TPTE2: variants seen among roughly 807,000 people sequenced by gnomAD.
TPTE2 encodes the protein transmembrane phosphoinositide 3-phosphatase and tensin homolog 2.
Under a neutral mutation model 78.6 loss-of-function variants are expected in TPTE2, and 53 were observed. The observed-to-expected ratio is 0.67, with a 90% CI of 0.54 to 0.85. TPTE2 has a LOEUF of 0.85. Among genes scored for constraint, TPTE2 ranks in the 40% least tolerant of loss-of-function variants. The pLI is 0.00. For synonymous variants in TPTE2, 175 were observed against 206.2 expected (o/e 0.85, Z 1.30); for missense variants, 461 against 623.0 (o/e 0.74, Z 2.77).
intron 1 of TPTE2, among the ~76,000 whole-genome samples, chr13:19,529,020 G>C (rs985801388): frequency 6.6e-6 from 1 of 152,198 alleles, no homozygotes; most frequent in Admixed American, 6.5e-5. Context: ...TCGGGAAGCT[G>C]AGGCAGGAGA....
At chr13:19,560,759 C>CCCAGCAGGGAAGGG in the TPTE2 span, 2 of 1,457,386 alleles carry the variant, frequency 1.4e-6, no homozygotes, top group East Asian at 4.7e-5. Flanking sequence ...GCAGGGAAGG[C>CCCAGCAGGGAAGGG]GCCCGGGAAG....
intron 1 of TPTE2, among the ~76,000 whole-genome samples, chr13:19,501,598 T>TA (rs1868562663): frequency 6.6e-6 from 1 of 151,850 alleles, no homozygotes; most frequent in Non-Finnish European, 1.5e-5. Flanking sequence ...TGGCTAGCCA[T>TA]AAGTAGAAAG....
rs188615073 is a variant in TPTE2, at chr13:19,426,218, A to C, written c.1395+207T>G. ...TGAGAATACAGGTAAATTTAGAAAA[A>C]TTTAGAAAATTTACAATTTAGAAAA... On this transcript the variant is annotated intron_variant, in intron 18 of 19. Transcript: ENST00000400230. 3,030 of 493,960 alleles carry C rather than the reference A, an allele frequency of 6.1e-3. 23 individuals are homozygous for C. The highest frequency in any genetic ancestry group is 9.7e-3 in the Middle Eastern group (17 of 1,750). 30.6% of individuals were successfully genotyped at this position (493,960 alleles called of 1,614,324 possible).
In TPTE2 at chr13:19,438,112, C is replaced by T. The variant is rs140738972; in HGVS notation, c.1015G>A (p.Glu339Lys). 15 of 1,606,564 alleles carry T rather than the reference C, an allele frequency of 9.3e-6. No individual in the cohort carries two copies. In the African/African-American group the frequency reaches 9.4e-5, roughly 10 times the overall value. Residue 339 changes from glutamate to lysine, a missense_variant, in exon 14 of 20, where the codon GAA becomes AAA. Transcript: ENST00000400230. ...CATACCTCGGCAGTTAAAAATATTTCGGAGGCAATAAGGAGGGCACAAACC... is the reference window on the plus strand; with the variant it reads ...CATACCTCGGCAGTTAAAAATATTTTGGAGGCAATAAGGAGGGCACAAACC...
At chr13:19,513,434 C>G (rs1358913587) in intron 1 of TPTE2, among the ~76,000 whole-genome samples, 1 of 152,186 alleles carries the variant, frequency 6.6e-6, no homozygotes, top group Non-Finnish European at 1.5e-5. Flanking sequence ...AACCTGAATT[C>G]CTCCCATCTC....
chr13:19,498,421 A>C (rs986862940), intron 1 of TPTE2, among the ~76,000 whole-genome samples: 1 of 150,144 alleles, frequency 6.7e-6, no homozygotes, highest in African/African-American at 2.5e-5. Flanking sequence ...ACCCTCAAAC[A>C]GAAGCCCATC....
intron 19 of TPTE2, 112 bp downstream of exon 22, chr13:19,424,835 T>C (rs1473302793): frequency 5.7e-6 from 4 of 703,262 alleles, no homozygotes; most frequent in Non-Finnish European, 9.4e-6. Flanking sequence ...CTCAGGGATT[T>C]TTTGCTTTCT....
chr13:19,456,384 C>T (rs1182940006), intron 10 of TPTE2, among the ~76,000 whole-genome samples: 1 of 152,160 alleles, frequency 6.6e-6, no homozygotes, highest in African/African-American at 2.4e-5. Context: ...ATGTGGGAGA[C>T]TGAGGTGGGA....
intron 2 of TPTE2, among the ~76,000 whole-genome samples, chr13:19,493,149 G>A (rs1407630271): frequency 6.8e-6 from 1 of 147,062 alleles, no homozygotes; most frequent in African/African-American, 2.5e-5. Flanking sequence ...ACTAACAAAT[G>A]CTACAATGAG....
intron 1 of TPTE2, 45 bp from the exon 5 acceptor site, chr13:19,493,546 T>C: frequency 6.3e-7 from 1 of 1,590,650 alleles, no homozygotes; most frequent in Non-Finnish European, 8.6e-7. Context: ...GACATAATTC[T>C]GAATTTATAT....
At chr13:19,504,777 T>C (rs1457648534), upstream of TPTE2, among the ~76,000 whole-genome samples, 2 of 152,120 alleles carry the variant, frequency 1.3e-5, no homozygotes, top group African/African-American at 2.4e-5. Flanking sequence ...TGTATGGCCA[T>C]GGATGATCCT....
chr13:19,497,210 G>A (rs1260900452), intron 1 of TPTE2, among the ~76,000 whole-genome samples: 5 of 149,734 alleles, frequency 3.3e-5, no homozygotes, highest in African/African-American at 4.9e-5. Flanking sequence ...CAAGGCGGCA[G>A]CGAGGCTGGG....
rs1164220570 is a variant in TPTE2 at position 19,438,996 on chromosome 13, G to C, written c.974-843C>G. On this transcript the variant is annotated intron_variant, in intron 13 of 19. Coordinates refer to ENST00000400230, the Ensembl canonical transcript of TPTE2. The stretch of plus-strand genomic sequence containing the variant: ...CTCCCAAGCCTTGGAGCTCATTTGA[G>C]GAGAGACTTGGAGACTTTGTGGGGG... 2.0e-5 allele frequency among the ~76,000 whole-genome samples: 3 copies of C among 152,190 alleles called. No homozygotes were observed. The East Asian group carries it at 5.8e-4, about 29-fold the overall frequency.
intron 6 of TPTE2, among the ~76,000 whole-genome samples, chr13:19,469,608 T>C (rs1380384844): frequency 6.6e-6 from 1 of 152,206 alleles, no homozygotes; most frequent in Non-Finnish European, 1.5e-5. Context: ...TGTAAATTGC[T>C]TTGGATAGTA....
chr13:19,546,480 TTTC>T, the TPTE2 span, among the ~76,000 whole-genome samples: 1 of 125,410 alleles, frequency 8.0e-6, no homozygotes, highest in Non-Finnish European at 1.7e-5. Context: ...TTTTTTTCTT[TTTC>T]TTTTTTTTTT....
rs116591993 is a variant in TPTE2, at chr13:19,469,518, G to C, written c.393-2174C>G. On this transcript the variant is annotated intron_variant, in intron 6 of 19. Coordinates refer to ENST00000400230, the Ensembl canonical transcript of TPTE2. ...TTTTGGCTATTCTGGGTCTTTTGAG[G>C]CTCCATATAAATTTTAAGATTGTTT... is the stretch of plus-strand genomic sequence containing the variant. 6.5e-3 allele frequency among the ~76,000 whole-genome samples: 984 copies of C among 152,208 alleles called. 13 individuals carry two copies. The highest frequency in any genetic ancestry group is 0.023 in the African/African-American group (959 of 41,528).
At chr13:19,482,278 A>G (rs1261508694) in intron 4 of TPTE2, among the ~76,000 whole-genome samples, 1 of 152,182 alleles carries the variant, frequency 6.6e-6, no homozygotes, top group Non-Finnish European at 1.5e-5. Context: ...AGCTAGAAGA[A>G]CATTTATTTC....
chr13:19,504,284 GT>G (rs1287194467), upstream of TPTE2, among the ~76,000 whole-genome samples: 1 of 152,084 alleles, frequency 6.6e-6, no homozygotes. Flanking sequence ...CAGTTTCTAT[GT>G]ACAAATCCCC....
intron 4 of TPTE2, among the ~76,000 whole-genome samples, chr13:19,478,240 A>G (rs1384907337): frequency 1.3e-5 from 2 of 152,194 alleles, no homozygotes; most frequent in African/African-American, 4.8e-5. Flanking sequence ...AGAATGGGAG[A>G]AAATTTTTGC....
Sources: gnomAD v4.1 joint callset for allele counts (sites outside exome capture counted in the v4.1 genomes callset) on GRCh38, gnomAD v4.1.1 for gene constraint, MANE v1.5 for transcripts, NCBI Gene and HGNC (gene_info 2026-07-23, HGNC 2026-07-21) for gene names.